Variants in DCP1B observed in about 807,000 individuals in gnomAD.
DCP1B encodes the protein mRNA-decapping enzyme 1B.
In DCP1B, 47 loss-of-function variants were observed where a neutral mutation model predicts 60.5. That is an observed-to-expected ratio of 0.78 (90% CI 0.61 to 0.99). DCP1B has a LOEUF of 0.99. DCP1B is among the 50% of genes least tolerant of loss of function. The pLI is 0.00. For synonymous variants in DCP1B, 267 were observed against 280.3 expected (o/e 0.95, Z 0.47); for missense variants, 725 against 756.8 (o/e 0.96, Z 0.49).
chr12:1,990,602 T>G (rs1332592491), intron 3 of DCP1B, among the ~76,000 whole-genome samples: 2 of 152,192 alleles, frequency 1.3e-5, no homozygotes, highest in African/African-American at 4.8e-5. Flanking sequence ...CAATTCTACC[T>G]TTGTCTATTT....
chr12:1,966,149 T>A (rs1265939715), intron 4 of DCP1B: 1 of 152,594 alleles, frequency 6.6e-6, no homozygotes, highest in Non-Finnish European at 1.5e-5. Flanking sequence ...TCTCATTAGT[T>A]GCTAAGGAAA....
chr12:1,955,727 TA>T (rs2030862564), intron 5 of DCP1B, among the ~76,000 whole-genome samples, 167 bp from the exon 6 acceptor site: 1 of 152,218 alleles, frequency 6.6e-6, no homozygotes, highest in South Asian at 2.1e-4. Flanking sequence ...TGTTTGAGTA[TA>T]AATCAAGTTA....
chr12:1,961,898 T>C (rs2031139687), intron 5 of DCP1B, among the ~76,000 whole-genome samples: 1 of 152,196 alleles, frequency 6.6e-6, no homozygotes, highest in African/African-American at 2.4e-5. Context: ...ATGTGTGTGC[T>C]TGTGCTGTTC....
At chr12:1,947,952 C>T (rs1161317528) in intron 8 of DCP1B, among the ~76,000 whole-genome samples, 1 of 152,154 alleles carries the variant, frequency 6.6e-6, no homozygotes, top group Non-Finnish European at 1.5e-5. Flanking sequence ...CGTGAGCAGC[C>T]ACTGTGCCCG....
At chr12:1,959,485 A>C (rs921394755) in intron 5 of DCP1B, among the ~76,000 whole-genome samples, 6 of 152,346 alleles carry the variant, frequency 3.9e-5, no homozygotes, top group Middle Eastern at 3.4e-3. Flanking sequence ...GTATGTGAAA[A>C]ATGCTCGACA....
At chr12:1,990,686 CTA>C (rs1409083339) in intron 3 of DCP1B, among the ~76,000 whole-genome samples, 1 of 152,118 alleles carries the variant, frequency 6.6e-6, no homozygotes, top group African/African-American at 2.4e-5. Context: ...AGATTCTTGA[CTA>C]TACAGAATAT....
At chr12:1,994,571 A>C (rs1052136260) in intron 2 of DCP1B, among the ~76,000 whole-genome samples, 22 of 152,146 alleles carry the variant, frequency 1.4e-4, no homozygotes, top group African/African-American at 5.3e-4. Context: ...ATGAAAATGT[A>C]CTCCCAAAGA....
chr12:2,003,139 C>CAT (rs1372007672), intron 1 of DCP1B, among the ~76,000 whole-genome samples: 1 of 152,140 alleles, frequency 6.6e-6, no homozygotes, highest in Non-Finnish European at 1.5e-5. Flanking sequence ...TTGTCTACCC[C>CAT]ATTCTTGCTT....
rs1331573530 is a variant in DCP1B, at chr12:1,955,551, A to C, written c.532T>G (p.Cys178Gly). 2.5e-6 allele frequency: 4 copies of C among 1,613,054 alleles called. No individual in the cohort carries two copies. The Admixed American group carries it at 6.7e-5, about 27-fold the overall frequency. The change falls in exon 6 of 9, where the codon TGT becomes GGT. Residue 178 changes from cysteine (C) to glycine (G), a missense_variant. Transcript: ENST00000280665. ...CTGGTTATCTTTTTTGGCTCAGAAC[A>C]GGTTTTACACTGAAATAGAAAAGAA... ...AKDEYTKCKT[C>G]SEPKKITSSS...
Position 1,997,389 on chromosome 12 carries a change from G to A in DCP1B, c.191+546C>T, listed in dbSNP as rs545190977. On this transcript the variant is annotated intron_variant, in intron 2 of 8. Transcript: ENST00000280665. ...CTAAAAATTAGCTGGGCGTGGTGGC[G>A]CATGCCTGTAATCCCAGCTACTCAG... is the stretch of plus-strand genomic sequence containing the variant. Among the ~76,000 whole-genome samples the A allele has an allele frequency of 1.2e-4, 18 of 152,270 alleles. No homozygotes were observed. The South Asian group carries it at 2.5e-3, about 21-fold the overall frequency.
rs535844545 is a variant in DCP1B at position 1,958,132 on chromosome 12, G to A, written c.523-2572C>T. Among the ~76,000 whole-genome samples, 504 of 143,698 alleles carry A rather than the reference G, an allele frequency of 3.5e-3. 2 individuals carry two copies. Among genetic ancestry groups the A allele is most frequent in the Non-Finnish European group, 4.7e-3 (304 of 65,030 alleles). The allele number at this position is 143,698 out of a possible 152,430, so 94.3% of individuals were successfully genotyped here. A position where few individuals can be genotyped will look rare whatever the true frequency, so the allele number is the denominator to read the frequency against. ...GGAAACAGGGGAAAAGCTCCCTAACGTCGCTCTGGGCAATGACTTTTTCTA... is the reference window on the plus strand; with the variant it reads ...GGAAACAGGGGAAAAGCTCCCTAACATCGCTCTGGGCAATGACTTTTTCTA... On this transcript the variant is annotated intron_variant, in intron 5 of 8. Coordinates refer to ENST00000280665, the MANE Select transcript of DCP1B (RefSeq NM_152640.5).
At chr12:1,956,119 G>A (rs779707384) in intron 5 of DCP1B, among the ~76,000 whole-genome samples, 33 of 152,220 alleles carry the variant, frequency 2.2e-4, no homozygotes, top group Non-Finnish European at 3.8e-4. Context: ...AAATCTGAGC[G>A]TTCTGAGCTA....
intron 3 of DCP1B, among the ~76,000 whole-genome samples, chr12:1,985,989 AT>A: frequency 6.6e-6 from 1 of 151,748 alleles, no homozygotes; most frequent in Non-Finnish European, 1.5e-5. Context: ...TTTGTTTTGT[AT>A]TTTTAGTAGA....
At chr12:1,958,703 A>G (rs2031000032) in intron 5 of DCP1B, among the ~76,000 whole-genome samples, 1 of 139,668 alleles carries the variant, frequency 7.2e-6, no homozygotes, top group Non-Finnish European at 1.5e-5. Context: ...GAGACAGGGG[A>G]AAAGCTCCCC....
intron 3 of DCP1B, among the ~76,000 whole-genome samples, chr12:1,988,160 C>T (rs1467390415): frequency 2.6e-5 from 4 of 152,160 alleles, no homozygotes; most frequent in African/African-American, 9.7e-5. Flanking sequence ...ACACCAAAAT[C>T]TCAATGGCTT....
At chr12:1,943,753 A>C (rs2154456081), downstream of DCP1B, among the ~76,000 whole-genome samples, 1 of 152,364 alleles carries the variant, frequency 6.6e-6, no homozygotes, top group African/African-American at 2.4e-5. Context: ...TTCACGCTAA[A>C]AACTCTCAAT....
chr12:2,002,575 T>C, intron 1 of DCP1B, among the ~76,000 whole-genome samples: 1 of 152,196 alleles, frequency 6.6e-6, no homozygotes, highest in Admixed American at 6.5e-5. Context: ...AAGGTATCTA[T>C]CACATTGATA....
intron 1 of DCP1B, among the ~76,000 whole-genome samples, chr12:1,999,029 T>C (rs2041576638): frequency 6.6e-6 from 1 of 152,214 alleles, no homozygotes; most frequent in Non-Finnish European, 1.5e-5. Context: ...TTCAGCAAAT[T>C]TCTCATTCAC....
At chr12:1,993,627 G>GGTGTGTGTGTGT (rs150056084) in intron 2 of DCP1B, among the ~76,000 whole-genome samples, 7,573 of 146,596 alleles carry the variant, frequency 0.052, 260 homozygotes, top group East Asian at 0.067. Flanking sequence ...CTTCATTTGT[G>GGTGTGTGTGTGT]GTGTGTGTGT....
Sources: allele counts gnomAD v4.1 joint callset (sites outside exome capture counted in the v4.1 genomes callset), GRCh38; gene constraint gnomAD v4.1.1; transcripts MANE v1.5; gene names NCBI Gene and HGNC (gene_info 2026-07-23, HGNC 2026-07-21).